The following SORCS1 variants were observed in gnomAD, a reference collection of about 807,000 sequenced individuals.
The protein encoded by SORCS1 is sortilin related VPS10 domain containing receptor 1.
SORCS1 carries 60 observed loss-of-function variants against 146.1 expected under a neutral mutation model. The observed-to-expected ratio is 0.41, with a 90% confidence interval of 0.33 to 0.51. The LOEUF (loss-of-function observed/expected upper bound fraction) is 0.51. SORCS1 is among the 20% of genes least tolerant of loss of function. SORCS1 has a pLI of 0.21. For synonymous variants in SORCS1, 637 were observed against 584.0 expected (o/e 1.09, Z -1.31); for missense variants, 1,352 against 1,487.6 (o/e 0.91, Z 1.50).
intron 25 of SORCS1, 123 bp downstream of exon 25, chr10:106,579,246 A>T: frequency 5.6e-6 from 9 of 1,614,074 alleles, no homozygotes; most frequent in African/African-American, 1.3e-5. Flanking sequence ...AATCCCCGGG[A>T]TCTTCCTAAA....
chr10:107,051,560 T>C (rs2134052722), intron 1 of SORCS1, among the ~76,000 whole-genome samples: 1 of 152,254 alleles, frequency 6.6e-6, no homozygotes, highest in East Asian at 1.9e-4. Flanking sequence ...CACTAAGTAT[T>C]TACTATATTA....
intron 2 of SORCS1, among the ~76,000 whole-genome samples, chr10:106,892,794 A>G (rs1263449302): frequency 6.6e-6 from 1 of 152,190 alleles, no homozygotes; most frequent in Non-Finnish European, 1.5e-5. Context: ...TAGGTTATCT[A>G]AGAACTGCAC....
At chr10:106,982,576 A>G (rs1956282902) in intron 1 of SORCS1, among the ~76,000 whole-genome samples, 1 of 152,126 alleles carries the variant, frequency 6.6e-6, no homozygotes, top group African/African-American at 2.4e-5. Flanking sequence ...ATCTATTCGA[A>G]CTCAACATTT....
intron 8 of SORCS1, among the ~76,000 whole-genome samples, chr10:106,705,370 A>G (rs978248830): frequency 1.3e-5 from 2 of 152,174 alleles, no homozygotes; most frequent in African/African-American, 4.8e-5. Flanking sequence ...TTCATCCTGG[A>G]GAAACCAGAA....
chr10:107,052,769 A>AT (rs906830850), intron 1 of SORCS1, among the ~76,000 whole-genome samples: 1 of 151,886 alleles, frequency 6.6e-6, no homozygotes, highest in South Asian at 2.1e-4. Context: ...TATAATGGGA[A>AT]TTTTTTTTCA....
At chr10:107,010,385 C>A (rs536103309) in intron 1 of SORCS1, among the ~76,000 whole-genome samples, 3 of 152,146 alleles carry the variant, frequency 2.0e-5, no homozygotes, top group Non-Finnish European at 4.4e-5. Context: ...CTTAATCATG[C>A]TCCACTGAGT....
chr10:107,073,220 TAA>T (rs748921349), intron 1 of SORCS1, among the ~76,000 whole-genome samples: 4 of 152,332 alleles, frequency 2.6e-5, no homozygotes, highest in Non-Finnish European at 5.9e-5. Flanking sequence ...AATAAAAGCA[TAA>T]AGAGATGCAA....
intron 1 of SORCS1, among the ~76,000 whole-genome samples, chr10:107,058,040 T>A (rs548219575): frequency 1.5e-4 from 22 of 148,772 alleles, no homozygotes; most frequent in Admixed American, 5.3e-4. Flanking sequence ...TTAAAAAAAA[T>A]TTTTTTTTTA....
intron 4 of SORCS1, among the ~76,000 whole-genome samples, chr10:106,768,224 C>T (rs1859726660): frequency 6.6e-6 from 1 of 152,194 alleles, no homozygotes; most frequent in African/African-American, 2.4e-5. Context: ...AAATTACTCA[C>T]ATATTCATGA....
chr10:106,596,306 G>C (rs1278587981), intron 24 of SORCS1, among the ~76,000 whole-genome samples: 1 of 152,170 alleles, frequency 6.6e-6, no homozygotes. Context: ...TGAAGATGAA[G>C]ACCACTTTGC....
intron 1 of SORCS1, among the ~76,000 whole-genome samples, chr10:107,093,353 A>G (rs998005811): frequency 6.6e-6 from 1 of 152,048 alleles, no homozygotes; most frequent in African/African-American, 2.4e-5. Context: ...CCTTCACTCT[A>G]TTCTCAACTA....
At chr10:106,968,219 G>A (rs1218008927) in intron 1 of SORCS1, among the ~76,000 whole-genome samples, 1 of 151,372 alleles carries the variant, frequency 6.6e-6, no homozygotes, top group Non-Finnish European at 1.5e-5. Context: ...AAAAAAAAAA[G>A]AGAAAAGATG....
chr10:106,943,697 C>A (rs1954168199), intron 2 of SORCS1, among the ~76,000 whole-genome samples: 1 of 151,944 alleles, frequency 6.6e-6, no homozygotes, highest in Non-Finnish European at 1.5e-5. Context: ...GTAGTCCCAG[C>A]TACTCGGGAG....
At chr10:106,720,519 G>A (rs190529877) in intron 6 of SORCS1, among the ~76,000 whole-genome samples, 14 of 151,014 alleles carry the variant, frequency 9.3e-5, no homozygotes, top group South Asian at 2.1e-4. Flanking sequence ...TGAGAATTTA[G>A]AGGACAAAGG....
intron 1 of SORCS1, among the ~76,000 whole-genome samples, chr10:107,058,720 C>T (rs965961829): frequency 1.2e-4 from 18 of 152,060 alleles, no homozygotes; most frequent in African/African-American, 4.3e-4. Context: ...TAGAACTGTG[C>T]CTGTCACATG....
intron 11 of SORCS1, 68 bp from the exon 12 acceptor site, chr10:106,679,400 G>T: frequency 7.7e-7 from 1 of 1,301,790 alleles, no homozygotes; most frequent in Non-Finnish European, 1.1e-6. Context: ...TATATTGGCA[G>T]GTGCACTGCC....
intron 5 of SORCS1, among the ~76,000 whole-genome samples, chr10:106,742,368 C>T (rs1857423513): frequency 6.7e-6 from 1 of 149,754 alleles, no homozygotes; most frequent in African/African-American, 2.5e-5. Context: ...TACATATAGC[C>T]AGAAGATAAT....
intron 1 of SORCS1, among the ~76,000 whole-genome samples, chr10:107,088,946 A>G (rs1963968967): frequency 6.7e-6 from 1 of 150,144 alleles, no homozygotes; most frequent in East Asian, 1.9e-4. Context: ...TTTGTTATTA[A>G]GATTATTTGT....
intron 6 of SORCS1, among the ~76,000 whole-genome samples, chr10:106,718,066 G>A (rs915517960): frequency 3.3e-5 from 5 of 152,216 alleles, no homozygotes; most frequent in African/African-American, 1.2e-4. Flanking sequence ...TGGAAAAGCT[G>A]AGGGAAAGCC....
Sources: allele counts gnomAD v4.1 joint callset (sites outside exome capture counted in the v4.1 genomes callset), GRCh38; gene constraint gnomAD v4.1.1; transcripts MANE v1.5; gene names NCBI Gene and HGNC (gene_info 2026-07-23, HGNC 2026-07-21).